Variants in NCKAP5 observed in about 807,000 individuals in gnomAD.
The protein encoded by NCKAP5 is NCK associated protein 5.
A neutral mutation model predicts 167.0 loss-of-function variants in NCKAP5; 92 were observed. The observed-to-expected ratio is 0.55, with a 90% CI of 0.47 to 0.66. The LOEUF is 0.66. NCKAP5 is among the 30% of genes least tolerant of loss of function. The pLI is 0.00. For missense variants in NCKAP5, 2,378 were observed against 2,315.0 expected (o/e 1.03, Z -0.56); for synonymous variants, 891 against 877.4 (o/e 1.02, Z -0.27).
intron 3 of NCKAP5, among the ~76,000 whole-genome samples, chr2:133,438,000 T>A (rs1469964180): frequency 6.6e-6 from 1 of 152,260 alleles, no homozygotes; most frequent in African/African-American, 2.4e-5. Flanking sequence ...GAAAAATCAC[T>A]GTTCCAGAAT....
chr2:132,721,953 T>C (rs112440994), intron 19 of NCKAP5, among the ~76,000 whole-genome samples: 65 of 152,350 alleles, frequency 4.3e-4, no homozygotes, highest in Admixed American at 1.4e-3. Flanking sequence ...GAGATGTTCC[T>C]TTTCAAAGAG....
rs139048814 is a variant in NCKAP5 at position 133,155,934 on chromosome 2, T to C, written c.208-25823A>G. ...GTGCACACACATCCAGTTGTCTCTGTTTCTGTGGTGAACTCTGACTAATAT... is the reference window on the plus strand; with the variant it reads ...GTGCACACACATCCAGTTGTCTCTGCTTCTGTGGTGAACTCTGACTAATAT... On this transcript the variant is annotated intron_variant, in intron 5 of 19. Transcript: ENST00000409261. Among the ~76,000 whole-genome samples the C allele has an allele frequency of 1.2e-3, 183 of 152,324 alleles. 1 individual carries two copies. Among genetic ancestry groups the C allele is most frequent in the African/African-American group, 3.4e-3 (142 of 41,574 alleles).
At chr2:133,553,383 G>C (rs1687511685) in intron 2 of NCKAP5, among the ~76,000 whole-genome samples, 1 of 152,118 alleles carries the variant, frequency 6.6e-6, no homozygotes, top group South Asian at 2.1e-4. Flanking sequence ...TGAATTCCTG[G>C]GGCAGGCAGG....
rs530460303 is a variant in NCKAP5 at position 133,532,147 on chromosome 2, G to T, written c.-61-14560C>A. Among the ~76,000 whole-genome samples, 128 of 152,312 alleles carry T rather than the reference G, an allele frequency of 8.4e-4. 1 individual carries two copies. Among genetic ancestry groups the T allele is most frequent in the Middle Eastern group, 3.4e-3 (1 of 294 alleles). On this transcript the variant is annotated intron_variant, in intron 2 of 19. Coordinates refer to ENST00000409261, the MANE Select transcript of NCKAP5 (RefSeq NM_207363.3). ...TTTTCACTTAATGTTATAGCAGCAAGATTTATCCATGCTGATAAGAGAATT... is the reference window on the plus strand; with the variant it reads ...TTTTCACTTAATGTTATAGCAGCAATATTTATCCATGCTGATAAGAGAATT...
chr2:132,713,796 CATAA>C (rs1558958889), intron 19 of NCKAP5, among the ~76,000 whole-genome samples: 1 of 151,966 alleles, frequency 6.6e-6, no homozygotes, highest in Non-Finnish European at 1.5e-5. Flanking sequence ...GTGGGGGGTT[CATAA>C]ATAGAGAAGC....
intron 8 of NCKAP5, among the ~76,000 whole-genome samples, chr2:132,938,169 G>A (rs1558965136): frequency 6.6e-6 from 1 of 152,160 alleles, no homozygotes; most frequent in Non-Finnish European, 1.5e-5. Flanking sequence ...GATTTGAGGT[G>A]TGCTGGGAAA....
At chr2:133,646,271 C>A in the NCKAP5 span, among the ~76,000 whole-genome samples, 1 of 151,856 alleles carries the variant, frequency 6.6e-6, no homozygotes, top group Non-Finnish European at 1.5e-5. Context: ...TTCCCACAGA[C>A]CAATAAAAAT....
rs146178541 is a variant in NCKAP5 at position 133,565,076 on chromosome 2, G to A, written c.-130+3140C>T. ...TGAAAAGCTGCTCACAGGACAGGAGGTGCATGCAAGATATGGAGGATAAAC... is the reference window on the plus strand; with the variant it reads ...TGAAAAGCTGCTCACAGGACAGGAGATGCATGCAAGATATGGAGGATAAAC... On this transcript the variant is annotated intron_variant, in intron 1 of 19. Coordinates refer to ENST00000409261, the MANE Select transcript of NCKAP5 (RefSeq NM_207363.3). Among the ~76,000 whole-genome samples, 1,065 of 152,314 alleles carry A rather than the reference G, an allele frequency of 7.0e-3. 17 individuals are homozygous for A. Among genetic ancestry groups the A allele is most frequent in the African/African-American group, 0.024 (995 of 41,558 alleles).
chr2:133,517,230 A>T (rs1055684846), intron 3 of NCKAP5, among the ~76,000 whole-genome samples: 3 of 152,220 alleles, frequency 2.0e-5, no homozygotes, highest in Admixed American at 2.0e-4. Context: ...ATTATATATA[A>T]TGTTGACAGA....
chr2:132,711,552 TG>T (rs1688846156), intron 19 of NCKAP5, among the ~76,000 whole-genome samples: 1 of 152,236 alleles, frequency 6.6e-6, no homozygotes, highest in Non-Finnish European at 1.5e-5. Context: ...CTAGTATATC[TG>T]GTTGCCTCAT....
intron 6 of NCKAP5, among the ~76,000 whole-genome samples, chr2:133,004,965 T>G (rs1216295641): frequency 6.6e-6 from 1 of 152,230 alleles, no homozygotes; most frequent in Non-Finnish European, 1.5e-5. Context: ...AGAAATATGA[T>G]TCTGTTCTGC....
intron 4 of NCKAP5, among the ~76,000 whole-genome samples, chr2:133,253,380 T>C (rs750188355): frequency 4.6e-5 from 7 of 152,220 alleles, no homozygotes; most frequent in Non-Finnish European, 1.5e-5. Context: ...TGTTCTTCCT[T>C]ATTTCATGGA....
At chr2:133,150,984 T>C (rs1336449625) in intron 5 of NCKAP5, among the ~76,000 whole-genome samples, 1 of 152,192 alleles carries the variant, frequency 6.6e-6, no homozygotes, top group Non-Finnish European at 1.5e-5. Context: ...TCACTTTATA[T>C]TAAAGAGAAA....
chr2:133,123,796 C>T, intron 6 of NCKAP5: 1 of 471,112 alleles, frequency 2.1e-6, no homozygotes, highest in South Asian at 1.5e-5. Context: ...CATTTTCCTC[C>T]TTCTAAAGAT....
At chr2:133,486,029 G>A (rs886203659) in intron 3 of NCKAP5, among the ~76,000 whole-genome samples, 12 of 152,100 alleles carry the variant, frequency 7.9e-5, no homozygotes, top group Non-Finnish European at 1.6e-4. Context: ...ATGTGTGCAC[G>A]CACTGCCTCC....
intron 5 of NCKAP5, among the ~76,000 whole-genome samples, chr2:133,180,319 CGT>C (rs887041834): frequency 1.3e-5 from 2 of 150,816 alleles, no homozygotes; most frequent in African/African-American, 2.5e-5. Flanking sequence ...TGATTAAAGA[CGT>C]TTTTTTTTCC....
rs569484720 is a variant in NCKAP5, at chr2:132,795,840, A to C, written c.909+788T>G. Among the ~76,000 whole-genome samples, 68 of 143,234 alleles carry C rather than the reference A, an allele frequency of 4.7e-4. 2 individuals carry two copies. The highest frequency in any genetic ancestry group is 4.6e-3 in the Admixed American group (65 of 14,284). The allele number at this position is 143,234 out of a possible 152,430, so 94.0% of individuals were successfully genotyped here. ...TATCAGAAAAAAAAAAAAAAAAAAC[A>C]AAAAAAACAAAAGAGAATGAAGCCC... On this transcript the variant is annotated intron_variant, in intron 12 of 19. Transcript: ENST00000409261.
chr2:133,547,103 A>G (rs1686770532), intron 2 of NCKAP5, among the ~76,000 whole-genome samples: 1 of 152,194 alleles, frequency 6.6e-6, no homozygotes, highest in Non-Finnish European at 1.5e-5. Flanking sequence ...TTCCAAGGCA[A>G]AGAAAGGGGT....
chr2:133,071,301 C>G (rs548577913), intron 6 of NCKAP5, among the ~76,000 whole-genome samples: 2 of 152,058 alleles, frequency 1.3e-5, no homozygotes, highest in East Asian at 3.9e-4. Flanking sequence ...AAAAATTAGC[C>G]GGGCGTAGTG....
Sources: allele counts gnomAD v4.1 joint callset (sites outside exome capture counted in the v4.1 genomes callset), GRCh38; gene constraint gnomAD v4.1.1; transcripts MANE v1.5; gene names NCBI Gene and HGNC (gene_info 2026-07-23, HGNC 2026-07-21).